Variants in TMOD1 observed in about 807,000 individuals in gnomAD.
TMOD1 encodes tropomodulin 1, also known as tropomodulin-1.
Under a neutral mutation model 40.6 loss-of-function variants are expected in TMOD1, and 17 were observed. The observed-to-expected ratio is 0.42, with a 90% CI of 0.29 to 0.63. TMOD1 has a LOEUF of 0.63. Among genes scored for constraint, TMOD1 ranks in the 20% least tolerant of loss-of-function variants. TMOD1 has a pLI of 0.22. For missense variants in TMOD1, 391 were observed against 447.6 expected (o/e 0.87, Z 1.14); for synonymous variants, 181 against 175.0 (o/e 1.03, Z -0.27).
At chr9:97,514,513 C>T (rs2131212554) in intron 1 of TMOD1, among the ~76,000 whole-genome samples, 1 of 152,182 alleles carries the variant, frequency 6.6e-6, no homozygotes, top group African/African-American at 2.4e-5. Flanking sequence ...GCATGAGGTC[C>T]CACCTCTTGT....
At chr9:97,551,563 T>C (rs993662690) in intron 3 of TMOD1, among the ~76,000 whole-genome samples, 6 of 152,238 alleles carry the variant, frequency 3.9e-5, no homozygotes, top group African/African-American at 1.2e-4. Flanking sequence ...ATTGTCTATC[T>C]ATCTATCCTT....
rs1377902823 is a variant in TMOD1, at chr9:97,513,624, AT to A, written c.-48-10515del. 3 of 152,176 alleles carry A rather than the reference AT, an allele frequency of 2.0e-5. No individual in the cohort carries two copies. The highest frequency in any genetic ancestry group is 2.0e-4 in the Admixed American group (3 of 15,276). 9.4% of individuals were successfully genotyped at this position (152,176 alleles called of 1,614,324 possible). Reference sequence around the variant, plus strand: ...AAGCGCCTGAGAGCTAGGACTTCTTATTAATTTCTGTCTCTCCCAAAAAGAC... The same window carrying A: ...AAGCGCCTGAGAGCTAGGACTTCTTATAATTTCTGTCTCTCCCAAAAAGAC... On this transcript the variant is annotated intron_variant, in intron 1 of 9. Coordinates refer to ENST00000259365, the MANE Select transcript of TMOD1 (RefSeq NM_003275.4). This position sits in a 1 kb window ranked among gnomAD's most constrained non-coding sequence, Gnocchi z 4.1.
intron 6 of TMOD1, 66 bp downstream of exon 6, chr9:97,564,234 G>A (rs973965412): frequency 7.2e-6 from 11 of 1,535,870 alleles, no homozygotes; most frequent in African/African-American, 2.7e-5. Context: ...TCACCCAAAT[G>A]CAAACGGTCC....
intron 9 of TMOD1, among the ~76,000 whole-genome samples, chr9:97,592,310 A>G (rs1300113923): frequency 1.3e-5 from 2 of 152,218 alleles, no homozygotes; most frequent in Non-Finnish European, 2.9e-5. Flanking sequence ...CAGTAGGTCT[A>G]TATCATTAAC....
At chr9:97,558,584 C>T (rs987191348) in intron 4 of TMOD1, among the ~76,000 whole-genome samples, 6 of 152,134 alleles carry the variant, frequency 3.9e-5, no homozygotes, top group African/African-American at 9.7e-5. Flanking sequence ...GCTGGGATCA[C>T]GGGCGTGTGC....
At chr9:97,509,356 A>G (rs1370215225) in intron 1 of TMOD1, among the ~76,000 whole-genome samples, 2 of 152,346 alleles carry the variant, frequency 1.3e-5, no homozygotes, top group African/African-American at 2.4e-5. Flanking sequence ...AGCTTCTATT[A>G]TAAGGTACAG....
rs1339680510 is a variant in TMOD1, at chr9:97,600,903, A to G, written c.*1205A>G. 8 of 1,157,478 alleles carry G rather than the reference A, an allele frequency of 6.9e-6. No homozygotes were observed. Among genetic ancestry groups the G allele is most frequent in the Non-Finnish European group, 8.7e-6 (8 of 920,264 alleles). 71.7% of individuals were successfully genotyped at this position (1,157,478 alleles called of 1,614,324 possible). A position where few individuals can be genotyped will look rare whatever the true frequency, so the allele number is the denominator to read the frequency against. Reference sequence around the variant, plus strand: ...TTTTAATATACCACAGTGCCAGTTAAACTAATATTTTTGTTTGTTGCTTTT... The same window carrying G: ...TTTTAATATACCACAGTGCCAGTTAGACTAATATTTTTGTTTGTTGCTTTT... On this transcript the variant is annotated 3_prime_UTR_variant, in exon 10 of 10. Transcript: ENST00000259365.
chr9:97,568,638 T>C (rs1173642370), intron 7 of TMOD1, among the ~76,000 whole-genome samples: 1 of 151,984 alleles, frequency 6.6e-6, no homozygotes, highest in Non-Finnish European at 1.5e-5. Context: ...GCAGTGAGAG[T>C]TGATTCTGGA....
intron 2 of TMOD1, among the ~76,000 whole-genome samples, chr9:97,543,247 C>A (rs1486293957): frequency 6.6e-6 from 1 of 152,216 alleles, no homozygotes; most frequent in Non-Finnish European, 1.5e-5. Context: ...TAGGCCTTCC[C>A]TGTGGGGATC....
chr9:97,585,809 C>A (rs1261392448), intron 8 of TMOD1, among the ~76,000 whole-genome samples: 1 of 138,520 alleles, frequency 7.2e-6, no homozygotes, highest in East Asian at 2.1e-4. Context: ...GCTCCTGAGG[C>A]TTCTGCATTC....
intron 2 of TMOD1, among the ~76,000 whole-genome samples, chr9:97,534,061 C>CCATGAT (rs2131232947): frequency 6.6e-6 from 1 of 152,284 alleles, no homozygotes; most frequent in Non-Finnish European, 1.5e-5. Context: ...AGGAGAAAAG[C>CCATGAT]CATGATTCAA....
At chr9:97,562,701 C>T (rs1297048376) in intron 4 of TMOD1, 31 bp from the exon 5 acceptor site, 1 of 1,481,474 alleles carries the variant, frequency 6.8e-7, no homozygotes, top group South Asian at 1.4e-5. Flanking sequence ...TCTGCAGAGG[C>T]ACATCATGAG....
intron 2 of TMOD1, among the ~76,000 whole-genome samples, chr9:97,541,107 T>G (rs550013734): frequency 6.6e-6 from 1 of 152,344 alleles, no homozygotes; most frequent in Non-Finnish European, 1.5e-5. Flanking sequence ...ATTGAGCATT[T>G]TTTCATGAGC....
At chr9:97,588,467 A>G (rs1167820162) in intron 8 of TMOD1, among the ~76,000 whole-genome samples, 2 of 152,170 alleles carry the variant, frequency 1.3e-5, no homozygotes, top group African/African-American at 4.8e-5. Context: ...TTCTTTATAT[A>G]TTCATATTTA....
chr9:97,541,517 A>G (rs890542625), intron 2 of TMOD1, among the ~76,000 whole-genome samples: 1 of 146,638 alleles, frequency 6.8e-6, no homozygotes, highest in Non-Finnish European at 1.5e-5. Context: ...TTTATTTTTT[A>G]TTTTTTATTT....
intron 3 of TMOD1, among the ~76,000 whole-genome samples, chr9:97,552,902 AT>A (rs1266173984): frequency 3.3e-5 from 5 of 152,202 alleles, no homozygotes; most frequent in African/African-American, 1.2e-4. Context: ...TTGTTTAGAA[AT>A]GTTTATACAT....
intron 2 of TMOD1, among the ~76,000 whole-genome samples, chr9:97,538,161 A>G (rs1013163626): frequency 6.6e-6 from 1 of 152,192 alleles, no homozygotes; most frequent in Non-Finnish European, 1.5e-5. Flanking sequence ...ACTCACAGCT[A>G]TTATATAATT....
At chr9:97,593,430 C>T (rs1255536062) in intron 9 of TMOD1, among the ~76,000 whole-genome samples, 1 of 152,074 alleles carries the variant, frequency 6.6e-6, no homozygotes, top group Non-Finnish European at 1.5e-5. Context: ...CCTCCAGTTC[C>T]CTTAGAAAGA....
At chr9:97,553,465 C>CT (rs1425711469) in intron 4 of TMOD1, 65 bp downstream of exon 4, 1 of 1,599,992 alleles carries the variant, frequency 6.3e-7, no homozygotes, top group African/African-American at 1.3e-5. Context: ...TGCAGGGAGC[C>CT]TTGTAGGGCT....
Sources: gnomAD v4.1 joint callset for allele counts (sites outside exome capture counted in the v4.1 genomes callset) on GRCh38, gnomAD v4.1.1 for gene constraint, Gnocchi (gnomAD v3.1) non-coding constraint, MANE v1.5 for transcripts, NCBI Gene and HGNC (gene_info 2026-07-23, HGNC 2026-07-21) for gene names.